Variants in UBE2D3 observed in about 807,000 individuals in gnomAD.
UBE2D3 encodes ubiquitin conjugating enzyme E2 D3, also known as ubiquitin-conjugating enzyme E2 D3.
A neutral mutation model predicts 22.8 loss-of-function variants in UBE2D3; 2 were observed. The ratio of observed to expected loss-of-function variants is 0.09; its 90% CI spans 0.04 to 0.28. UBE2D3 has a LOEUF of 0.28. Ranked by LOEUF, UBE2D3 falls within the 10% of genes least tolerant of loss-of-function variation. UBE2D3 has a pLI of 1.00. For synonymous variants in UBE2D3, 56 were observed against 60.4 expected, an observed-to-expected ratio of 0.93 and a Z score of 0.34; for missense variants, 27 against 182.5, an observed-to-expected ratio of 0.15 and a Z score of 4.91.
intron 1 of UBE2D3, among the ~76,000 whole-genome samples, chr4:102,864,964 T>C (rs1243996152): frequency 6.6e-6 from 1 of 152,246 alleles, no homozygotes; most frequent in Non-Finnish European, 1.5e-5. Context: ...GTTGTCTGTA[T>C]GTAAAATAAT....
At chr4:102,837,791 A>G (rs1731495856) in intron 1 of UBE2D3, among the ~76,000 whole-genome samples, 1 of 152,278 alleles carries the variant, frequency 6.6e-6, no homozygotes, top group South Asian at 2.1e-4. Flanking sequence ...CTCTACTAAA[A>G]ATACAAAAAA....
intron 1 of UBE2D3, among the ~76,000 whole-genome samples, chr4:102,849,364 CAAAAAAAAAAA>C (rs55874314): frequency 0.034 from 2,141 of 63,298 alleles, 59 homozygotes; most frequent in African/African-American, 0.1. Context: ...ACCCCTGTCT[CAAAAAAAAAAA>C]AAAAAAAAAA....
intron 2 of UBE2D3, among the ~76,000 whole-genome samples, chr4:102,824,174 T>C (rs1730070915): frequency 2.0e-5 from 3 of 152,162 alleles, no homozygotes; most frequent in Non-Finnish European, 2.9e-5. Context: ...TAAACACTGG[T>C]TTTTCCAATA....
At chr4:102,822,828 C>CAGG (rs1729841328) in intron 2 of UBE2D3, among the ~76,000 whole-genome samples, 1 of 107,996 alleles carries the variant, frequency 9.3e-6, no homozygotes, top group Non-Finnish European at 1.9e-5. Flanking sequence ...CCCAGCTACT[C>CAGG]AGGAGGCTGA....
At chr4:102,868,362 C>T (rs926899164) in intron 1 of UBE2D3, among the ~76,000 whole-genome samples, 3 of 152,074 alleles carry the variant, frequency 2.0e-5, no homozygotes, top group African/African-American at 7.2e-5. Context: ...GCCACCGCGC[C>T]CGGCCAGCTT....
intron 7 of UBE2D3, among the ~76,000 whole-genome samples, chr4:102,797,779 T>G (rs1310828085): frequency 6.6e-6 from 1 of 151,936 alleles, no homozygotes; most frequent in Non-Finnish European, 1.5e-5. Flanking sequence ...GTGAAGAAAT[T>G]TTTACAGTTC....
At chr4:102,805,436 G>C (rs1726874758) in intron 4 of UBE2D3, among the ~76,000 whole-genome samples, 2 of 151,402 alleles carry the variant, frequency 1.3e-5, no homozygotes, top group South Asian at 2.1e-4. Flanking sequence ...GCTCTCATCA[G>C]TGCAAAGTTG....
chr4:102,827,404 T>C (rs1018193519), intron 1 of UBE2D3, 23 bp downstream of exon 1: 6 of 985,954 alleles, frequency 6.1e-6, no homozygotes, highest in African/African-American at 1.7e-5. Context: ...TTCCCTGCCC[T>C]AGCCGTCCAC....
intron 2 of UBE2D3, 70 bp from the exon 3 acceptor site, chr4:102,809,925 C>CTTGT: frequency 7.0e-7 from 1 of 1,426,120 alleles, no homozygotes; most frequent in Non-Finnish European, 9.8e-7. Context: ...GAGTCCACTG[C>CTTGT]TTTCAGTTAC....
upstream of UBE2D3, among the ~76,000 whole-genome samples, chr4:102,828,432 C>G (rs1730904364): frequency 6.6e-6 from 1 of 151,866 alleles, no homozygotes; most frequent in Admixed American, 6.6e-5. Context: ...CATCAGCGCT[C>G]CCACGTGCTG....
At chr4:102,853,297 T>C (rs1732467283) in intron 1 of UBE2D3, among the ~76,000 whole-genome samples, 2 of 152,088 alleles carry the variant, frequency 1.3e-5, no homozygotes, top group South Asian at 4.2e-4. Flanking sequence ...CGCCCGCCAC[T>C]ACACACACAT....
intron 4 of UBE2D3, among the ~76,000 whole-genome samples, chr4:102,807,649 A>G (rs545302676): frequency 2.0e-5 from 3 of 152,234 alleles, no homozygotes; most frequent in Admixed American, 6.5e-5. Context: ...GAAAAAGTTC[A>G]GCAAGGAATA....
chr4:102,828,014 T>C (rs1730858372), upstream of UBE2D3: 1 of 985,322 alleles, frequency 1.0e-6, no homozygotes, highest in Non-Finnish European at 1.2e-6. Flanking sequence ...CTGCAATGAC[T>C]TAAGAGCAGT....
chr4:102,868,823 A>C, exon 1 of UBE2D3: 1 of 1,597,484 alleles, frequency 6.3e-7, no homozygotes, highest in Non-Finnish European at 8.6e-7. Flanking sequence ...GCCCAAGAGG[A>C]GGGCCACCTT....
chr4:102,826,610 C>G lies in UBE2D3; in HGVS notation c.-102G>C. The G allele has an allele frequency of 6.3e-7, 1 of 1,594,496 alleles. No individual in the cohort carries two copies. Among genetic ancestry groups the G allele is most frequent in the African/African-American group, 1.3e-5 (1 of 74,240 alleles). ...GCGGCGGGGCAGGATTGTCTCGTCTCACACCAGCTCTGCCAGACACAGGCG... is the reference window on the plus strand; with the variant it reads ...GCGGCGGGGCAGGATTGTCTCGTCTGACACCAGCTCTGCCAGACACAGGCG... On this transcript the variant is annotated 5_prime_UTR_variant, in exon 2 of 8. Coordinates refer to ENST00000453744, the MANE Select transcript of UBE2D3 (RefSeq NM_181891.3).
chr4:102,823,955 C>T (rs1463833016), intron 2 of UBE2D3, among the ~76,000 whole-genome samples: 1 of 152,160 alleles, frequency 6.6e-6, no homozygotes, highest in Non-Finnish European at 1.5e-5. Context: ...CACAAGCATA[C>T]CATACTGACA....
At chr4:102,864,599 C>G (rs919688502) in intron 1 of UBE2D3, among the ~76,000 whole-genome samples, 2 of 152,156 alleles carry the variant, frequency 1.3e-5, no homozygotes, top group African/African-American at 4.8e-5. Context: ...GTCATAACCA[C>G]TGGTATCACC....
chr4:102,825,364 A>G (rs2110331834), intron 2 of UBE2D3: 1 of 1,009,914 alleles, frequency 9.9e-7, no homozygotes, highest in East Asian at 1.0e-4. Flanking sequence ...ACAAGTCACA[A>G]AAAAGGGAAA....
At chr4:102,840,319 C>G (rs539028803) in intron 1 of UBE2D3, among the ~76,000 whole-genome samples, 1 of 152,206 alleles carries the variant, frequency 6.6e-6, no homozygotes, top group Admixed American at 6.5e-5. Flanking sequence ...AATCAACTTA[C>G]GTGTCCGTCA....
Sources: allele counts gnomAD v4.1 joint callset (sites outside exome capture counted in the v4.1 genomes callset), GRCh38; gene constraint gnomAD v4.1.1; transcripts MANE v1.5; gene names NCBI Gene and HGNC (gene_info 2026-07-23, HGNC 2026-07-21).